STAM2: variants seen among roughly 807,000 people sequenced by gnomAD.
The protein encoded by STAM2 is signal transducing adapter molecule 2.
Under a neutral mutation model 65.6 loss-of-function variants are expected in STAM2, and 51 were observed. The observed-to-expected ratio is 0.78, with a 90% CI of 0.62 to 0.98. The LOEUF is 0.98. Among genes scored for constraint, STAM2 ranks in the 50% least tolerant of loss-of-function variants. The probability of loss-of-function intolerance (pLI) is 0.00; values close to 1 mark genes in which losing one functional copy is unlikely to be tolerated. For missense variants in STAM2, 584 were observed against 617.8 expected (o/e 0.95, Z 0.58); for synonymous variants, 198 against 208.4 (o/e 0.95, Z 0.43).
rs576946134 is a variant in STAM2 at position 152,138,216 on chromosome 2, T to C, written c.705-2613A>G. Among the ~76,000 whole-genome samples the C allele has an allele frequency of 3.9e-5, 6 of 152,302 alleles. 1 individual carries two copies. The South Asian group carries it at 8.3e-4, about 21-fold the overall frequency. ...CCCTATGAACATGGTATCCTCCATTTACATTTATGTAAAACATAATATGTA... is the reference window on the plus strand; with the variant it reads ...CCCTATGAACATGGTATCCTCCATTCACATTTATGTAAAACATAATATGTA... On this transcript the variant is annotated intron_variant, in intron 7 of 13. Coordinates refer to ENST00000263904, the MANE Select transcript of STAM2 (RefSeq NM_005843.6).
At chr2:152,173,508 T>C (rs952137687) in intron 1 of STAM2, among the ~76,000 whole-genome samples, 53 of 151,750 alleles carry the variant, frequency 3.5e-4, no homozygotes, top group Non-Finnish European at 1.3e-4. Context: ...GTGATTCTCC[T>C]GCCTCAGCCT....
intron 5 of STAM2, among the ~76,000 whole-genome samples, chr2:152,146,606 A>T (rs1689341152): frequency 6.6e-6 from 1 of 152,172 alleles, no homozygotes; most frequent in South Asian, 2.1e-4. Flanking sequence ...ACAAGTCTTG[A>T]GCCTCTCAAT....
chr2:152,150,391 A>T (rs1020549714), intron 1 of STAM2, among the ~76,000 whole-genome samples, 162 bp from the exon 2 acceptor site: 9 of 152,256 alleles, frequency 5.9e-5, no homozygotes, highest in African/African-American at 2.2e-4. Flanking sequence ...TCAATTTTAA[A>T]TTGTATAATT....
At chr2:152,125,313 G>A (rs17398246) in intron 12 of STAM2, among the ~76,000 whole-genome samples, 22,746 of 152,128 alleles carry the variant, frequency 0.15, 1,977 homozygotes, top group Middle Eastern at 0.31. Flanking sequence ...CTTGTCTGAC[G>A]TGACAGTTAC....
intron 1 of STAM2, among the ~76,000 whole-genome samples, chr2:152,160,498 G>GC (rs1205100256): frequency 6.7e-6 from 1 of 149,502 alleles, no homozygotes; most frequent in East Asian, 2.0e-4. Flanking sequence ...CCCGGCAGCC[G>GC]CCCCGTCTGA....
At chr2:152,136,513 T>C (rs1034832671) in intron 7 of STAM2, among the ~76,000 whole-genome samples, 3 of 152,052 alleles carry the variant, frequency 2.0e-5, no homozygotes, top group South Asian at 2.1e-4. Flanking sequence ...TGACCCCAAA[T>C]CCCAGCACCA....
chr2:152,160,069 C>A (rs1579331508), intron 1 of STAM2, among the ~76,000 whole-genome samples: 1 of 152,336 alleles, frequency 6.6e-6, no homozygotes, highest in Non-Finnish European at 1.5e-5. Flanking sequence ...GGCGTGATCT[C>A]GGCTGGCTAC....
intron 7 of STAM2, among the ~76,000 whole-genome samples, chr2:152,136,387 G>A (rs1001148282): frequency 1.3e-5 from 2 of 151,982 alleles, no homozygotes; most frequent in African/African-American, 4.8e-5. Context: ...AGGTTGCAGT[G>A]AGCTGAAATC....
intron 1 of STAM2, among the ~76,000 whole-genome samples, chr2:152,154,416 G>C (rs1689503562): frequency 6.6e-6 from 1 of 152,188 alleles, no homozygotes. Flanking sequence ...AGGAGTTCAA[G>C]ACCAGCCTGG....
chr2:152,161,397 G>A (rs1248735107), intron 1 of STAM2, among the ~76,000 whole-genome samples: 2 of 147,982 alleles, frequency 1.4e-5, no homozygotes, highest in East Asian at 4.0e-4. Context: ...GAAAACCAGA[G>A]ACCTTTGTTC....
chr2:152,158,219 G>A (rs1309282876), intron 1 of STAM2, among the ~76,000 whole-genome samples: 3 of 152,174 alleles, frequency 2.0e-5, no homozygotes, highest in African/African-American at 4.8e-5. Context: ...GCTTATACCT[G>A]TAATCCCAGC....
chr2:152,127,301 T>C (rs1472708994), intron 11 of STAM2, among the ~76,000 whole-genome samples: 1 of 152,200 alleles, frequency 6.6e-6, no homozygotes, highest in Non-Finnish European at 1.5e-5. Context: ...TATGACTTTA[T>C]AATATTAGGG....
rs747178540 is a variant in STAM2, at chr2:152,175,607, G to A, written c.36C>T (p.Asp12=). 2.5e-6 allele frequency: 4 copies of A among 1,613,752 alleles called. No homozygotes were observed. The highest frequency in any genetic ancestry group is 1.3e-5 in the African/African-American group (1 of 74,834). Residue 12 remains aspartate, a synonymous_variant, in exon 1 of 14, where the codon GAC becomes GAT. Transcript: ENST00000263904. ...PLFTANPFEQ[D]VEKATNEYNT... is the part of the protein sequence containing the mutation. ...AGGACCGGGCACAGCACTCACCCAC[G>A]TCTTGCTCGAAGGGGTTGGCGGTGA...
intron 1 of STAM2, among the ~76,000 whole-genome samples, chr2:152,153,916 A>ACACG (rs1489164845): frequency 6.6e-6 from 1 of 151,360 alleles, no homozygotes; most frequent in Non-Finnish European, 1.5e-5. Context: ...ACACACACAC[A>ACACG]CACGCAAAAA....
At chr2:152,163,640 T>C (rs1689725465) in intron 1 of STAM2, among the ~76,000 whole-genome samples, 1 of 152,192 alleles carries the variant, frequency 6.6e-6, no homozygotes, top group Admixed American at 6.5e-5. Flanking sequence ...TTTTTCTTCT[T>C]GCAGAGAGTC....
Position 152,120,397 on chromosome 2 carries a change from A to G in STAM2, c.*177T>C. ...ATTGACTTCAAACAAACTGGACTGAAAAAAAAAAAAAAAAAAAACCTTTTA... is the reference window on the plus strand; with the variant it reads ...ATTGACTTCAAACAAACTGGACTGAGAAAAAAAAAAAAAAAAAACCTTTTA... On this transcript the variant is annotated 3_prime_UTR_variant, in exon 14 of 14. Transcript: ENST00000263904. 5.3e-6 allele frequency: 1 copy of G among 188,156 alleles called. No individual in the cohort carries two copies. Among genetic ancestry groups the G allele is most frequent in the Non-Finnish European group, 9.3e-6 (1 of 107,032 alleles). The allele number at this position is 188,156 out of a possible 1,614,324, so 11.7% of individuals were successfully genotyped here. A position where few individuals can be genotyped will look rare whatever the true frequency, so the allele number is the denominator to read the frequency against.
At chr2:152,166,216 A>G (rs988278803) in intron 1 of STAM2, among the ~76,000 whole-genome samples, 1 of 152,160 alleles carries the variant, frequency 6.6e-6, no homozygotes, top group African/African-American at 2.4e-5. Context: ...TGACATACCC[A>G]CTAGAATAGC....
chr2:152,162,907 G>A lies in STAM2; in HGVS notation c.41-12678C>T, dbSNP rs1216260887. ...CCTCCTGACCTCAGGTGATCTGCCC[G>A]CCTCAGCCTCCCAAAGTGCTGGGAT... On this transcript the variant is annotated intron_variant, in intron 1 of 13. Transcript: ENST00000263904. 7.2e-5 allele frequency among the ~76,000 whole-genome samples: 11 copies of A among 151,826 alleles called. No homozygotes were observed. In the East Asian group the frequency reaches 1.5e-3, roughly 21 times the overall value.
chr2:152,149,840 A>T (rs1462277746), intron 2 of STAM2, among the ~76,000 whole-genome samples: 1 of 152,176 alleles, frequency 6.6e-6, no homozygotes, highest in African/African-American at 2.4e-5. Flanking sequence ...CCAATACCAT[A>T]AACAGTAGAT....
Sources: gnomAD v4.1 joint callset for allele counts (sites outside exome capture counted in the v4.1 genomes callset) on GRCh38, gnomAD v4.1.1 for gene constraint, MANE v1.5 for transcripts, NCBI Gene and HGNC (gene_info 2026-07-23, HGNC 2026-07-21) for gene names.